The following DIP2A variants were observed in gnomAD, a reference collection of about 807,000 sequenced individuals.
The protein encoded by DIP2A is DIP2 acetate--CoA ligase A, also known as disco-interacting protein 2 homolog A.
In DIP2A, 85 loss-of-function variants were observed where a neutral mutation model predicts 177.4. That is an observed-to-expected ratio of 0.48 (90% CI 0.40 to 0.57). The LOEUF (loss-of-function observed/expected upper bound fraction) is 0.57. Ranked by LOEUF, DIP2A falls within the 20% of genes least tolerant of loss-of-function variation. The pLI is 0.00. For missense variants in DIP2A, 1,791 were observed against 2,100.2 expected (o/e 0.85, Z 2.88); for synonymous variants, 886 against 881.8 (o/e 1.00, Z -0.08).
In DIP2A at chr21:46,557,195, T is replaced by C. The variant is rs951388924; in HGVS notation, c.3629+126T>C. 4 of 1,150,880 alleles carry C rather than the reference T, an allele frequency of 3.5e-6. No individual in the cohort carries two copies. The African/African-American group carries it at 6.2e-5, about 18-fold the overall frequency. The allele number at this position is 1,150,880 out of a possible 1,614,324, so 71.3% of individuals were successfully genotyped here. On this transcript the variant is annotated intron_variant, in intron 30 of 37. Transcript: ENST00000417564. This position sits in a 1 kb window ranked among gnomAD's most constrained non-coding sequence, Gnocchi z 6.0. ...GATGAGATGTGTGTGAGTGGGTTTGTTTGGGGATGAAGTGGGTTGGAGTCT... is the reference window on the plus strand; with the variant it reads ...GATGAGATGTGTGTGAGTGGGTTTGCTTGGGGATGAAGTGGGTTGGAGTCT...
chr21:46,581,640 T>C, the DIP2A span, among the ~76,000 whole-genome samples: 2 of 152,092 alleles, frequency 1.3e-5, no homozygotes, highest in South Asian at 4.1e-4. Context: ...TTGTGGGGTC[T>C]TTTTTTGTTG....
chr21:46,480,366 C>T (rs9306153), intron 1 of DIP2A, among the ~76,000 whole-genome samples: 1 of 151,920 alleles, frequency 6.6e-6, no homozygotes, highest in African/African-American at 2.4e-5. Flanking sequence ...AAAACCTGCC[C>T]CCGTGATTCA....
Position 46,551,728 on chromosome 21 carries a change from C to T in DIP2A, c.2934C>T (p.Ser978=), listed in dbSNP as rs368705280. The T allele has an allele frequency of 6.8e-6, 11 of 1,613,816 alleles. No individual in the cohort carries two copies. Among genetic ancestry groups the T allele is most frequent in the Admixed American group, 1.7e-5 (1 of 59,998 alleles). ...GAGAGCTCGCCCACCTGGAGGACAG[C>T]GACCAGGCACGGAAGGTGACAGGCC... ...SGRELAHLED[S]DQARKFLFLA... Residue 978 remains serine (S), a synonymous_variant, in exon 24 of 38, where the codon AGC becomes AGT. Coordinates refer to ENST00000417564, the MANE Select transcript of DIP2A (RefSeq NM_015151.4).
At chr21:46,536,507 G>A (rs758093026) in intron 13 of DIP2A, among the ~76,000 whole-genome samples, 3 of 152,246 alleles carry the variant, frequency 2.0e-5, no homozygotes, top group Non-Finnish European at 2.9e-5. Flanking sequence ...TGTGAGAATT[G>A]AGGAGATGTG....
intron 37 of DIP2A, among the ~76,000 whole-genome samples, chr21:46,566,990 A>T (rs2060856566): frequency 6.6e-6 from 1 of 152,196 alleles, no homozygotes; most frequent in African/African-American, 2.4e-5. Context: ...CTGTTTCCTT[A>T]TCAGTGGTAA....
intron 8 of DIP2A, among the ~76,000 whole-genome samples, chr21:46,522,030 A>G (rs1329116672): frequency 6.6e-6 from 1 of 152,266 alleles, no homozygotes; most frequent in Non-Finnish European, 1.5e-5. Flanking sequence ...CCGAAGAAGC[A>G]GTTTATGACC....
intron 33 of DIP2A, 183 bp from the exon 34 acceptor site, chr21:46,561,565 T>C (rs995733250): frequency 2.6e-6 from 2 of 783,170 alleles, no homozygotes; most frequent in African/African-American, 3.4e-5. Context: ...GTGGCGGCAC[T>C]TGGGACCGCA....
intron 26 of DIP2A, 37 bp from the exon 27 acceptor site, chr21:46,554,538 C>T (rs758487271): frequency 3.7e-5 from 59 of 1,599,432 alleles, no homozygotes; most frequent in Admixed American, 8.6e-5. Context: ...GAGCCTCTTG[C>T]GGCCGGCCTC....
chr21:46,550,085 A>G, intron 22 of DIP2A, 200 bp downstream of exon 22: 3 of 1,333,502 alleles, frequency 2.2e-6, no homozygotes, highest in Non-Finnish European at 3.0e-6. Flanking sequence ...ATTTATGAAT[A>G]CAATATAGAA....
chr21:46,534,730 C>T, intron 13 of DIP2A, 43 bp downstream of exon 13: 2 of 1,524,860 alleles, frequency 1.3e-6, no homozygotes, highest in African/African-American at 2.7e-5. Context: ...TCCAGCCTCA[C>T]ACAGATACCT....
intron 6 of DIP2A, among the ~76,000 whole-genome samples, chr21:46,507,359 T>G (rs990746786): frequency 6.6e-6 from 1 of 152,224 alleles, no homozygotes; most frequent in African/African-American, 2.4e-5. Context: ...TACATTTAGG[T>G]AGATAGTTCA....
At chr21:46,466,568 G>C (rs559966898) in intron 1 of DIP2A, among the ~76,000 whole-genome samples, 2 of 151,484 alleles carry the variant, frequency 1.3e-5, no homozygotes, top group Non-Finnish European at 2.9e-5. Flanking sequence ...GGCTGGTCTC[G>C]AACTCCTGAC....
intron 33 of DIP2A, chr21:46,561,301 T>C (rs559888307): frequency 1.8e-4 from 53 of 295,532 alleles, no homozygotes; most frequent in South Asian, 1.6e-3. Flanking sequence ...TCTGACTTAG[T>C]TTCATCTTGA....
chr21:46,514,377 A>C (rs942492266), intron 8 of DIP2A, among the ~76,000 whole-genome samples: 1 of 151,730 alleles, frequency 6.6e-6, no homozygotes, highest in South Asian at 2.1e-4. Flanking sequence ...CGGAGCTTGC[A>C]GTGAGCTGAG....
At position 46,537,083 on chromosome 21, in the gene DIP2A, G is replaced by T. The variant is rs907162765; in HGVS notation, c.1643-141G>T. ...TAGATAACCAGGATTATTATTAATTGGTATGTGGTATTTGGAAATGCTGTA... is the reference window on the plus strand; with the variant it reads ...TAGATAACCAGGATTATTATTAATTTGTATGTGGTATTTGGAAATGCTGTA... On this transcript the variant is annotated intron_variant, in intron 13 of 37. Coordinates refer to ENST00000417564, the MANE Select transcript of DIP2A (RefSeq NM_015151.4). The surrounding 1 kb of genome is among the most constrained non-coding windows in gnomAD (Gnocchi z 4.1). 6.4e-6 allele frequency: 5 copies of T among 783,886 alleles called. No individual in the cohort carries two copies. The highest frequency in any genetic ancestry group is 1.1e-5 in the Non-Finnish European group (5 of 441,356). The allele number at this position is 783,886 out of a possible 1,614,324, so 48.6% of individuals were successfully genotyped here.
chr21:46,553,576 T>TATCATTAAAAAA, intron 25 of DIP2A: 1 of 153,154 alleles, frequency 6.5e-6, no homozygotes, highest in Non-Finnish European at 1.5e-5. Flanking sequence ...CACAGATGCC[T>TATCATTAAAAAA]CTGAGAAAGC....
At chr21:46,485,034 TC>T (rs1407312780) in intron 2 of DIP2A, among the ~76,000 whole-genome samples, 3 of 152,290 alleles carry the variant, frequency 2.0e-5, no homozygotes, top group African/African-American at 7.2e-5. Context: ...AATAATAAAA[TC>T]CAAAGGCATA....
chr21:46,521,068 A>T (rs976184058), intron 8 of DIP2A, among the ~76,000 whole-genome samples: 4 of 152,360 alleles, frequency 2.6e-5, no homozygotes, highest in East Asian at 1.9e-4. Flanking sequence ...AAAAATTTTT[A>T]AAAGGCAAAA....
intron 8 of DIP2A, among the ~76,000 whole-genome samples, chr21:46,520,381 A>G (rs551639292): frequency 6.6e-6 from 1 of 152,354 alleles, no homozygotes; most frequent in Admixed American, 6.5e-5. Flanking sequence ...TGTCAAAACA[A>G]GTTACTTCTG....
Sources: gnomAD v4.1 joint callset for allele counts (sites outside exome capture counted in the v4.1 genomes callset) on GRCh38, gnomAD v4.1.1 for gene constraint, Gnocchi (gnomAD v3.1) non-coding constraint, MANE v1.5 for transcripts, NCBI Gene and HGNC (gene_info 2026-07-23, HGNC 2026-07-21) for gene names.